CSMD1: variants seen among roughly 807,000 people sequenced by gnomAD.
CSMD1 encodes the protein CUB and Sushi multiple domains 1.
In CSMD1, 213 loss-of-function variants were observed where a neutral mutation model predicts 417.5. The observed-to-expected ratio is 0.51, with a 90% CI of 0.46 to 0.57. The LOEUF (loss-of-function observed/expected upper bound fraction) is 0.57, where lower values mean the gene tolerates loss of function less well. CSMD1 is among the 20% of genes least tolerant of loss of function. The probability of loss-of-function intolerance (pLI) is 0.00; values close to 1 mark genes in which losing one functional copy is unlikely to be tolerated. For synonymous variants in CSMD1, 2,862 were observed against 1,736.8 expected (o/e 1.65, Z -16.11); for missense variants, 6,923 against 4,529.7 (o/e 1.53, Z -15.17).
intron 10 of CSMD1, among the ~76,000 whole-genome samples, chr8:3,529,997 TG>T (rs773691073): frequency 2.6e-5 from 4 of 151,886 alleles, no homozygotes; most frequent in Non-Finnish European, 2.9e-5. Flanking sequence ...TGTTTCCCCA[TG>T]ACAATTTAAT....
At chr8:3,820,872 C>T (rs552268193) in intron 5 of CSMD1, among the ~76,000 whole-genome samples, 1 of 152,082 alleles carries the variant, frequency 6.6e-6, no homozygotes, top group Admixed American at 6.5e-5. Context: ...GTCACAATGC[C>T]TTCTTCGGAA....
intron 1 of CSMD1, among the ~76,000 whole-genome samples, chr8:4,800,210 G>A (rs1266084100): frequency 3.9e-5 from 6 of 152,180 alleles, no homozygotes; most frequent in East Asian, 1.9e-4. Flanking sequence ...AAGCCAAGGC[G>A]GATGGATCAC....
At chr8:3,070,765 T>C (rs1357970790) in intron 49 of CSMD1, among the ~76,000 whole-genome samples, 1 of 152,270 alleles carries the variant, frequency 6.6e-6, no homozygotes, top group Admixed American at 6.5e-5. Context: ...TCCCAACCTC[T>C]GCCTGTTACC....
intron 2 of CSMD1, among the ~76,000 whole-genome samples, chr8:4,447,497 G>A (rs1254942650): frequency 1.3e-5 from 2 of 152,222 alleles, no homozygotes; most frequent in Non-Finnish European, 2.9e-5. Context: ...AATCTAAGAT[G>A]TGAATGTTCT....
chr8:4,079,280 T>A (rs1392678942), intron 3 of CSMD1, among the ~76,000 whole-genome samples: 1 of 152,200 alleles, frequency 6.6e-6, no homozygotes, highest in Admixed American at 6.5e-5. Context: ...GTTTATCAAG[T>A]ACTGTACCAT....
chr8:4,623,156 A>C (rs1801878497), intron 2 of CSMD1, among the ~76,000 whole-genome samples: 4 of 152,114 alleles, frequency 2.6e-5, no homozygotes, highest in Admixed American at 1.3e-4. Flanking sequence ...AGGGAAGACA[A>C]AAGTTGCAGT....
At chr8:3,997,232 C>A (rs1019149657) in intron 5 of CSMD1, among the ~76,000 whole-genome samples, 1 of 152,198 alleles carries the variant, frequency 6.6e-6, no homozygotes, top group Non-Finnish European at 1.5e-5. Flanking sequence ...GTTTTTAAGT[C>A]TCTCAAATGG....
intron 28 of CSMD1, among the ~76,000 whole-genome samples, chr8:3,220,643 C>A (rs1316276403): frequency 6.6e-6 from 1 of 152,066 alleles, no homozygotes; most frequent in African/African-American, 2.4e-5. Context: ...ACAGCCTGGC[C>A]AATATGGTGA....
chr8:3,661,996 C>G (rs930093374), intron 7 of CSMD1, among the ~76,000 whole-genome samples: 2 of 152,234 alleles, frequency 1.3e-5, no homozygotes, highest in Admixed American at 6.5e-5. Flanking sequence ...AGGAGCTACG[C>G]AGACCTTGAT....
intron 12 of CSMD1, among the ~76,000 whole-genome samples, chr8:3,439,385 T>C (rs2117054615): frequency 6.8e-6 from 1 of 146,454 alleles, no homozygotes; most frequent in African/African-American, 2.6e-5. Context: ...TGTCTTAAAT[T>C]TCCCTGATAG....
Position 4,432,782 on chromosome 8 carries a change from C to A in CSMD1, c.303-12717G>T, listed in dbSNP as rs899882439. Among the ~76,000 whole-genome samples, 4 of 152,150 alleles carry A rather than the reference C, an allele frequency of 2.6e-5. No individual in the cohort carries two copies. The South Asian group carries it at 8.3e-4, about 32-fold the overall frequency. Reference sequence around the variant, plus strand: ...GGAAATAAAAATATATGAAGCCAAGCAGTAATTTTGGTTATTGATTAGAAA... The same window carrying A: ...GGAAATAAAAATATATGAAGCCAAGAAGTAATTTTGGTTATTGATTAGAAA... On this transcript the variant is annotated intron_variant, in intron 2 of 69. Transcript: ENST00000635120.
intron 3 of CSMD1, among the ~76,000 whole-genome samples, chr8:4,370,210 TTGGTG>T (rs1405892846): frequency 2.6e-5 from 4 of 152,166 alleles, no homozygotes; most frequent in African/African-American, 9.7e-5. Context: ...GAAGGTTAGT[TTGGTG>T]AGATACGAAA....
intron 3 of CSMD1, among the ~76,000 whole-genome samples, chr8:4,343,873 G>C (rs1032123109): frequency 3.3e-5 from 5 of 152,092 alleles, no homozygotes; most frequent in Non-Finnish European, 7.4e-5. Flanking sequence ...TATGGCCCTG[G>C]TCAACTCAAT....
At chr8:3,690,191 T>A (rs1800163183) in intron 7 of CSMD1, among the ~76,000 whole-genome samples, 1 of 152,168 alleles carries the variant, frequency 6.6e-6, no homozygotes, top group Non-Finnish European at 1.5e-5. Context: ...AGGCCCTGTC[T>A]CTACAAAAAA....
chr8:3,229,695 A>G (rs1798719314), intron 27 of CSMD1, among the ~76,000 whole-genome samples: 1 of 152,200 alleles, frequency 6.6e-6, no homozygotes, highest in African/African-American at 2.4e-5. Context: ...GCATGTTTCT[A>G]TATTAAAAAT....
chr8:4,174,359 G>T (rs1164036482), intron 3 of CSMD1, among the ~76,000 whole-genome samples: 1 of 152,104 alleles, frequency 6.6e-6, no homozygotes, highest in East Asian at 1.9e-4. Flanking sequence ...TGCAGTCTCT[G>T]AGAGAGCAAG....
intron 36 of CSMD1, among the ~76,000 whole-genome samples, chr8:3,185,705 C>T (rs1002353800): frequency 6.6e-6 from 1 of 152,150 alleles, no homozygotes; most frequent in Admixed American, 6.5e-5. Context: ...AGATTTGATC[C>T]TCAGACAAAA....
intron 3 of CSMD1, among the ~76,000 whole-genome samples, chr8:4,409,970 C>CAAG (rs1190185371): frequency 6.6e-6 from 1 of 152,058 alleles, no homozygotes; most frequent in Non-Finnish European, 1.5e-5. Context: ...CCCGCCACTA[C>CAAG]GCCCAGCAAA....
At chr8:4,412,672 G>C (rs1210288589) in intron 3 of CSMD1, among the ~76,000 whole-genome samples, 1 of 152,130 alleles carries the variant, frequency 6.6e-6, no homozygotes, top group East Asian at 1.9e-4. Context: ...AAGATTTTCA[G>C]GGTTAAATGT....
Sources: gnomAD v4.1 joint callset for allele counts (sites outside exome capture counted in the v4.1 genomes callset) on GRCh38, gnomAD v4.1.1 for gene constraint, MANE v1.5 for transcripts, NCBI Gene and HGNC (gene_info 2026-07-23, HGNC 2026-07-21) for gene names.